GGN: variants seen among roughly 807,000 people sequenced by gnomAD.
GGN encodes gametogenetin.
Under a neutral mutation model 35.5 loss-of-function variants are expected in GGN, and 27 were observed. That is an observed-to-expected ratio of 0.76 (90% CI 0.56 to 1.05). The LOEUF (loss-of-function observed/expected upper bound fraction) is 1.05. GGN is among the 50% of genes least tolerant of loss of function. GGN has a pLI of 0.00. For synonymous variants in GGN, 425 were observed against 444.1 expected (o/e 0.96, Z 0.54); for missense variants, 1,006 against 940.7 (o/e 1.07, Z -0.91).
Position 38,384,513 on chromosome 19 carries a change from T to A in GGN, c.1858A>T (p.Asn620Tyr), listed in dbSNP as rs1409507012. Residue 620 changes from asparagine to tyrosine, a missense_variant, in exon 4 of 4, where the codon AAC becomes TAC. Coordinates refer to ENST00000334928, the MANE Select transcript of GGN (RefSeq NM_152657.4). ...NVSAWLSTST[N>Y]HLGEPPWVAT... Reference sequence around the variant, plus strand: ...ACCCAGGGTGGCTCGCCCAGGTGGTTGGTGGATGTGCTCAGCCTAGTGGGG... The same window carrying A: ...ACCCAGGGTGGCTCGCCCAGGTGGTAGGTGGATGTGCTCAGCCTAGTGGGG... 1 of 1,613,844 alleles carries A rather than the reference T, an allele frequency of 6.2e-7. No homozygotes were observed.
In GGN at chr19:38,387,137, C is replaced by T. The variant is rs765060290; in HGVS notation, c.125G>A (p.Arg42His). Residue 42 changes from arginine (R) to histidine (H), a missense_variant, in exon 3 of 4, where the codon CGC becomes CAC. By Grantham distance (29) the Arg-to-His change is conservative. Transcript: ENST00000334928. The surrounding 1 kb of genome is among the most constrained non-coding windows in gnomAD (Gnocchi z 5.3). ...VEPEMTSQAM[R>H]LTRGLGVWFP... ...CCAGACACCCAGCCCACGAGTCAGG[C>T]GCATGGCCTGGGAGGTCATCTCGGG... The T allele has an allele frequency of 2.5e-6, 4 of 1,573,144 alleles. No homozygotes were observed. In the South Asian group the frequency reaches 3.5e-5, roughly 14 times the overall value.
chr19:38,387,197 C>A lies in GGN; in HGVS notation c.65G>T (p.Arg22Leu), dbSNP rs748266871. ...GGSRKVQPSD[R>L]APDSRRTSLV... ...GGACGTCCGGCGGGAGTCGGGGGCG[C>A]GGTCCGAGGGCTGCACTTTTCGGGA... The change falls in exon 3 of 4, where the codon CGC (arginine) becomes CTC (leucine). Residue 22 changes from arginine (R) to leucine (L), a missense_variant. Arg to Leu is a moderately radical substitution (Grantham distance 102, BLOSUM62 -2). Coordinates refer to ENST00000334928, the MANE Select transcript of GGN (RefSeq NM_152657.4). The surrounding 1 kb of genome is among the most constrained non-coding windows in gnomAD (Gnocchi z 5.3). 2 of 1,593,072 alleles carry A rather than the reference C, an allele frequency of 1.3e-6. No individual in the cohort carries two copies. Among genetic ancestry groups the A allele is most frequent in the Admixed American group, 3.5e-5 (2 of 57,688 alleles).
At position 38,385,597 on chromosome 19, in the gene GGN, G is replaced by GGTAGCTGTAGCTC; in HGVS notation, c.1652_1664dup (p.Val556SerfsTer7). On this transcript the variant is annotated frameshift_variant, in exon 3 of 4. Coordinates refer to ENST00000334928, the MANE Select transcript of GGN (RefSeq NM_152657.4). LOFTEE classifies it high-confidence loss of function. The stretch of plus-strand genomic sequence containing the variant: ...CCCCTCCACCACTGCTGTCAGGCAC[G>GGTAGCTGTAGCTC]GTAGCTGTAGCTCGTTCGCGAGGAC... 6.2e-7 allele frequency: 1 copy of GGTAGCTGTAGCTC among 1,614,164 alleles called. No individual in the cohort carries two copies. The highest frequency in any genetic ancestry group is 8.5e-7 in the Non-Finnish European group (1 of 1,180,024).
rs1036277657 is a variant in GGN, at chr19:38,385,768, C to T, written c.1494G>A (p.Pro498=). 2.5e-6 allele frequency: 4 copies of T among 1,581,362 alleles called. No individual in the cohort carries two copies. The highest frequency in any genetic ancestry group is 3.6e-5 in the Admixed American group (2 of 56,136). The change falls in exon 3 of 4, where the codon CCG becomes CCA. Residue 498 remains proline (P), a synonymous_variant. Transcript: ENST00000334928. ...LAADQAPAPS[P]APAPTVAEPS... Reference sequence around the variant, plus strand: ...GCTCAGCCACGGTGGGAGCTGGAGCCGGGGATGGGGCCGGGGCCTGGTCGG... The same window carrying T: ...GCTCAGCCACGGTGGGAGCTGGAGCTGGGGATGGGGCCGGGGCCTGGTCGG...
rs1443249456 is a variant in GGN at position 38,384,326 on chromosome 19, G to A, written c.*86C>T. On this transcript the variant is annotated 3_prime_UTR_variant, in exon 4 of 4. Coordinates refer to ENST00000334928, the MANE Select transcript of GGN (RefSeq NM_152657.4). The stretch of plus-strand genomic sequence containing the variant: ...CCTGCTGCACCCTACCCACTGCCTT[G>A]GCGAGTGATTGACAGGCTGCTGGCA... 1 of 962,460 alleles carries A rather than the reference G, an allele frequency of 1.0e-6. No homozygotes were observed. The highest frequency in any genetic ancestry group is 1.7e-6 in the Non-Finnish European group (1 of 600,608). The allele number at this position is 962,460 out of a possible 1,614,324, so 59.6% of individuals were successfully genotyped here.
In GGN at chr19:38,386,866, G is replaced by A; in HGVS notation, c.396C>T (p.Gly132=). 1 of 1,589,548 alleles carries A rather than the reference G, an allele frequency of 6.3e-7. No individual in the cohort carries two copies. The highest frequency in any genetic ancestry group is 8.6e-7 in the Non-Finnish European group (1 of 1,168,438). Residue 132 remains glycine, a synonymous_variant, in exon 3 of 4, where the codon GGC becomes GGT. Coordinates refer to ENST00000334928, the MANE Select transcript of GGN (RefSeq NM_152657.4). Reference sequence around the variant, plus strand: ...GGCGGAGGCTCGGAGGGTCGCCCTGGCCGCGATGGCTCGCCTCCAGCAGGC... The same window carrying A: ...GGCGGAGGCTCGGAGGGTCGCCCTGACCGCGATGGCTCGCCTCCAGCAGGC... ...IRRLLEASHR[G]QGDPPSLRPL... is the part of the protein sequence containing the mutation.
chr19:38,385,391 G>A, intron 3 of GGN, 30 bp downstream of exon 3: 3 of 1,612,466 alleles, frequency 1.9e-6, no homozygotes, highest in Non-Finnish European at 1.7e-6. Context: ...TCTGGGGTTC[G>A]GCACCCTCCT....
chr19:38,386,193 G>A lies in GGN; in HGVS notation c.1069C>T (p.Pro357Ser). The change falls in exon 3 of 4, where the codon CCC becomes TCC. Residue 357 changes from proline to serine, a missense_variant. By Grantham distance (74) the Pro-to-Ser change is moderately conservative. Transcript: ENST00000334928. The stretch of plus-strand genomic sequence containing the variant: ...CGGAAGTGGCGTTCAGGGCCGTCGG[G>A]AGCGCTAACCCAGTCGAATTTGGGC... ...SKPKFDWVSA[P>S]DGPERHFRFN... The A allele has an allele frequency of 1.9e-6, 3 of 1,602,688 alleles. No individual in the cohort carries two copies. The highest frequency in any genetic ancestry group is 2.5e-6 in the Non-Finnish European group (3 of 1,178,488).
chr19:38,386,626 C>G lies in GGN; in HGVS notation c.636G>C (p.Thr212=), dbSNP rs773185189. ...GCGCCCCTCCGCGAGCCCTGCCGGC[C>G]GTCTGGCCCTGGTTGCGGGGCCCAG... ...SQAGPRNQGQ[T]AGRARGGAPP... Residue 212 remains threonine, a synonymous_variant, in exon 3 of 4, where the codon ACG becomes ACC. Transcript: ENST00000334928. 6.2e-7 allele frequency: 1 copy of G among 1,612,612 alleles called. No homozygotes were observed. Among genetic ancestry groups the G allele is most frequent in the Non-Finnish European group, 8.5e-7 (1 of 1,179,310 alleles).
At position 38,386,388 on chromosome 19, in the gene GGN, C is replaced by G; in HGVS notation, c.874G>C (p.Gly292Arg). 6.2e-7 allele frequency: 1 copy of G among 1,612,938 alleles called. No individual in the cohort carries two copies. Among genetic ancestry groups the G allele is most frequent in the Non-Finnish European group, 8.5e-7 (1 of 1,179,904 alleles). Reference sequence around the variant, plus strand: ...CGAGCGGCTCCAGGAGGCAGGGGCCCTTGCTTCAGGACCTCGGCGTAAGAG... The same window carrying G: ...CGAGCGGCTCCAGGAGGCAGGGGCCGTTGCTTCAGGACCTCGGCGTAAGAG... The part of the protein sequence containing the change: ...AISYAEVLKQ[G>R]PLPPGAARPL... The change falls in exon 3 of 4, where the codon GGG becomes CGG. Residue 292 changes from glycine (G) to arginine (R), a missense_variant. Gly to Arg is a moderately radical substitution (Grantham distance 125). Coordinates refer to ENST00000334928, the MANE Select transcript of GGN (RefSeq NM_152657.4).
chr19:38,386,851 C>T lies in GGN; in HGVS notation c.411G>A (p.Pro137=), dbSNP rs1970738164. ...EASHRGQGDP[P]SLRPLKPPPP... Reference sequence around the variant, plus strand: ...GCGGCGGCTTCAGCGGGCGGAGGCTCGGAGGGTCGCCCTGGCCGCGATGGC... The same window carrying T: ...GCGGCGGCTTCAGCGGGCGGAGGCTTGGAGGGTCGCCCTGGCCGCGATGGC... The change falls in exon 3 of 4, where the codon CCG becomes CCA. Residue 137 remains proline, a synonymous_variant. Transcript: ENST00000334928. 5.6e-6 allele frequency: 9 copies of T among 1,600,222 alleles called. No individual in the cohort carries two copies. The highest frequency in any genetic ancestry group is 1.7e-4 in the Middle Eastern group (1 of 5,922).
rs2145133437 is a variant in GGN at position 38,384,614 on chromosome 19, T to C, written c.1842-85A>G. On this transcript the variant is annotated intron_variant, in intron 3 of 3. Transcript: ENST00000334928. ...TAGGGCCTCCCTGTCCCCATATGAATAGGGAAGCTTCTGAAGGCTATATTG... is the reference window on the plus strand; with the variant it reads ...TAGGGCCTCCCTGTCCCCATATGAACAGGGAAGCTTCTGAAGGCTATATTG... 3 of 972,884 alleles carry C rather than the reference T, an allele frequency of 3.1e-6. No individual in the cohort carries two copies. The South Asian group carries it at 4.1e-5, about 13-fold the overall frequency. The allele number at this position is 972,884 out of a possible 1,614,324, so 60.3% of individuals were successfully genotyped here. A position where few individuals can be genotyped will look rare whatever the true frequency, so the allele number is the denominator to read the frequency against.
chr19:38,384,907 C>T (rs977281582), intron 3 of GGN, among the ~76,000 whole-genome samples: 5 of 152,182 alleles, frequency 3.3e-5, no homozygotes, highest in East Asian at 1.9e-4. Context: ...TGCCCTCTGG[C>T]GGCTGAAGCC....
chr19:38,384,441 A>C lies in GGN; in HGVS notation c.1930T>G (p.Tyr644Asp). The C allele has an allele frequency of 6.2e-7, 1 of 1,613,996 alleles. No homozygotes were observed. Among genetic ancestry groups the C allele is most frequent in the South Asian group, 1.1e-5 (1 of 91,082 alleles). ...TTGGAATGGGTGGCCTGCAAGTCGTAGTGCTCCAGCTTGGCCACCAGAGAG... is the reference window on the plus strand; with the variant it reads ...TTGGAATGGGTGGCCTGCAAGTCGTCGTGCTCCAGCTTGGCCACCAGAGAG... ...SGSLVAKLEH[Y>D]DLQATHSN The change falls in exon 4 of 4, where the codon TAC (tyrosine) becomes GAC (aspartate). Residue 644 changes from tyrosine to aspartate, a missense_variant. Coordinates refer to ENST00000334928, the MANE Select transcript of GGN (RefSeq NM_152657.4).
Position 38,386,957 on chromosome 19 carries a change from C to T in GGN, c.305G>A (p.Gly102Glu). ...TTTAGACGGGCCGGGCAGCAGAGTC[C>T]CCGCGGGGGCCGGGGGTGGTGCAGA... ...AVSAPPPAPA[G>E]TLLPGPSKWQ... Residue 102 changes from glycine (G) to glutamate (E), a missense_variant, in exon 3 of 4, where the codon GGG (glycine) becomes GAG (glutamate). By Grantham distance (98) the Gly-to-Glu change is moderately conservative. Coordinates refer to ENST00000334928, the MANE Select transcript of GGN (RefSeq NM_152657.4). 1 of 1,541,684 alleles carries T rather than the reference C, an allele frequency of 6.5e-7. No homozygotes were observed. The highest frequency in any genetic ancestry group is 8.7e-7 in the Non-Finnish European group (1 of 1,144,250).
chr19:38,386,592 C>T lies in GGN; in HGVS notation c.670G>A (p.Ala224Thr). 1 of 1,613,332 alleles carries T rather than the reference C, an allele frequency of 6.2e-7. No homozygotes were observed. The highest frequency in any genetic ancestry group is 8.5e-7 in the Non-Finnish European group (1 of 1,179,738). The change falls in exon 3 of 4, where the codon GCG (alanine) becomes ACG (threonine). Residue 224 changes from alanine (A) to threonine (T), a missense_variant. By Grantham distance (58) the Ala-to-Thr change is moderately conservative (BLOSUM62 0). Transcript: ENST00000334928. ...GGCTGGGCCATTTCGCCTTCGCCCG[C>T]ATGGGGAGGCGCCCCTCCGCGAGCC... ...GRARGGAPPH[A>T]GEGEMAQPAD... is the part of the protein sequence containing the mutation.
rs1284671436 is a variant in GGN, at chr19:38,386,779, T to C, written c.483A>G (p.Pro161=). ...LSVKDTVPRA[P]SQFPPPLETW... The stretch of plus-strand genomic sequence containing the variant: ...TCTCCAGGGGCGGCGGAAATTGGGA[T>C]GGGGCCCTCGGGACAGTGTCCTTCA... The change falls in exon 3 of 4, where the codon CCA becomes CCG. Residue 161 remains proline (P), a synonymous_variant. Coordinates refer to ENST00000334928, the MANE Select transcript of GGN (RefSeq NM_152657.4). The C allele has an allele frequency of 6.2e-7, 1 of 1,610,416 alleles. No individual in the cohort carries two copies. Among genetic ancestry groups the C allele is most frequent in the Non-Finnish European group, 8.5e-7 (1 of 1,177,810 alleles).
rs1970711454 is a variant in GGN at position 38,385,995 on chromosome 19, T to C, written c.1267A>G (p.Asn423Asp). Residue 423 changes from asparagine (N) to aspartate (D), a missense_variant, in exon 3 of 4, where the codon AAT becomes GAT. Physicochemically the swap from Asn to Asp is conservative, Grantham distance 23. Coordinates refer to ENST00000334928, the MANE Select transcript of GGN (RefSeq NM_152657.4). ...GGCCCCGGGCGCATGGGCTCGCCATTGGTGGGTGCTGGGAAGATGAACGTA... is the reference window on the plus strand; with the variant it reads ...GGCCCCGGGCGCATGGGCTCGCCATCGGTGGGTGCTGGGAAGATGAACGTA... ...PPTFIFPAPT[N>D]GEPMRPGPPG... 1 of 1,607,512 alleles carries C rather than the reference T, an allele frequency of 6.2e-7. No homozygotes were observed. The highest frequency in any genetic ancestry group is 2.2e-5 in the East Asian group (1 of 44,698).
Position 38,386,385 on chromosome 19 carries a change from GC to G in GGN, c.876del (p.Leu294CysfsTer195). Reference protein sequence around the residue: ...AISYAEVLKQGPLPPGAARPL... With the variant: ...AISYAEVLKQXPLPPGAARPL... Reference sequence around the variant, plus strand: ...GGGCGAGCGGCTCCAGGAGGCAGGGGCCCTTGCTTCAGGACCTCGGCGTAAG... The same window carrying G: ...GGGCGAGCGGCTCCAGGAGGCAGGGGCCTTGCTTCAGGACCTCGGCGTAAG... On this transcript the variant is annotated frameshift_variant, in exon 3 of 4. Coordinates refer to ENST00000334928, the MANE Select transcript of GGN (RefSeq NM_152657.4). LOFTEE classifies it high-confidence loss of function. The G allele has an allele frequency of 1.9e-6, 3 of 1,612,944 alleles. No individual in the cohort carries two copies. Among genetic ancestry groups the G allele is most frequent in the Non-Finnish European group, 2.5e-6 (3 of 1,179,878 alleles).
Sources: allele counts gnomAD v4.1 joint callset (sites outside exome capture counted in the v4.1 genomes callset), GRCh38; gene constraint gnomAD v4.1.1; non-coding constraint Gnocchi (gnomAD v3.1); transcripts MANE v1.5; gene names NCBI Gene and HGNC (gene_info 2026-07-23, HGNC 2026-07-21).